Variants in CSTPP1 observed in about 807,000 individuals in gnomAD.
The protein encoded by CSTPP1 is UPF0705 protein C11orf49.
chr11:47,155,088 A>T, the CSTPP1 span: 6 of 704,414 alleles, frequency 8.5e-6, no homozygotes, highest in Middle Eastern at 2.8e-4. Context: ...TCTCCCCCGC[A>T]CTTTTCCCTT....
chr11:47,163,295 C>T, the CSTPP1 span, among the ~76,000 whole-genome samples: 1 of 152,034 alleles, frequency 6.6e-6, no homozygotes, highest in Non-Finnish European at 1.5e-5. Context: ...GGAAAGCCTA[C>T]TGACGATGCA....
the CSTPP1 span, among the ~76,000 whole-genome samples, chr11:47,089,530 TAGAC>T: frequency 6.6e-6 from 1 of 152,220 alleles, no homozygotes; most frequent in African/African-American, 2.4e-5. Context: ...CATTAAACAT[TAGAC>T]AGATCCTCAG....
the CSTPP1 span, among the ~76,000 whole-genome samples, chr11:47,038,744 A>G: frequency 1.7e-5 from 2 of 120,892 alleles, 1 homozygote; most frequent in East Asian, 4.7e-4. Context: ...CACTTCCCAG[A>G]CGGGGTGGCT....
chr11:47,088,304 T>A, the CSTPP1 span, among the ~76,000 whole-genome samples: 3 of 152,230 alleles, frequency 2.0e-5, no homozygotes, highest in Admixed American at 2.0e-4. Flanking sequence ...GTTGTTATTC[T>A]ACTATTAATA....
At chr11:47,086,179 A>G in the CSTPP1 span, among the ~76,000 whole-genome samples, 1 of 136,468 alleles carries the variant, frequency 7.3e-6, no homozygotes, top group Non-Finnish European at 1.5e-5. Context: ...ACTTGAGGTC[A>G]GGAGTTTGAG....
the CSTPP1 span, among the ~76,000 whole-genome samples, chr11:47,116,496 G>T: frequency 6.6e-6 from 1 of 151,916 alleles, no homozygotes. Context: ...GAATCTGGGT[G>T]GTCATGTATT....
At chr11:47,084,365 AG>A in the CSTPP1 span, among the ~76,000 whole-genome samples, 1 of 151,914 alleles carries the variant, frequency 6.6e-6, no homozygotes, top group Admixed American at 6.6e-5. Context: ...TTATTTCCTT[AG>A]TGATGTCTTT....
At chr11:46,956,015 A>C in the CSTPP1 span, among the ~76,000 whole-genome samples, 1 of 147,396 alleles carries the variant, frequency 6.8e-6, no homozygotes, top group Admixed American at 6.7e-5. Flanking sequence ...AAAAAGAAAG[A>C]AATGGTAATG....
chr11:46,987,745 T>C, the CSTPP1 span: 1 of 159,246 alleles, frequency 6.3e-6, no homozygotes, highest in East Asian at 1.8e-4. Context: ...ATGATTTAAG[T>C]GTATTTCTAA....
the CSTPP1 span, among the ~76,000 whole-genome samples, chr11:46,983,718 T>C: frequency 7.2e-5 from 11 of 152,170 alleles, no homozygotes; most frequent in African/African-American, 2.4e-4. Flanking sequence ...TCATTGAAGT[T>C]TGATAAACTA....
At chr11:46,971,261 GTTAACTAAATATTCACATTTACCAATAA>G in the CSTPP1 span, among the ~76,000 whole-genome samples, 1 of 152,322 alleles carries the variant, frequency 6.6e-6, no homozygotes, top group South Asian at 2.1e-4. Flanking sequence ...AGAAAGGTAA[GTTAACTAAATATTCACATTTACCAATAA>G]ATAAACCACT....
the CSTPP1 span, among the ~76,000 whole-genome samples, chr11:47,042,574 T>C: frequency 1.3e-5 from 2 of 152,186 alleles, no homozygotes; most frequent in African/African-American, 4.8e-5. Flanking sequence ...TGTGCTATTA[T>C]AACTTTTTGG....
At chr11:47,138,320 A>G in the CSTPP1 span, among the ~76,000 whole-genome samples, 4 of 152,178 alleles carry the variant, frequency 2.6e-5, no homozygotes, top group African/African-American at 4.8e-5. Flanking sequence ...GAAACTGCCC[A>G]TGTGATCCAA....
the CSTPP1 span, among the ~76,000 whole-genome samples, chr11:47,037,571 A>T: frequency 2.6e-5 from 3 of 116,662 alleles, no homozygotes; most frequent in African/African-American, 7.7e-5. Context: ...ACTTGAGATT[A>T]GGGAGTGGTG....
chr11:47,051,198 G>A, the CSTPP1 span, among the ~76,000 whole-genome samples: 1 of 151,988 alleles, frequency 6.6e-6, no homozygotes, highest in Non-Finnish European at 1.5e-5. Flanking sequence ...TTTAATGTCT[G>A]CCTCTCCACA....
At chr11:47,116,836 C>T in the CSTPP1 span, among the ~76,000 whole-genome samples, 7 of 151,952 alleles carry the variant, frequency 4.6e-5, no homozygotes, top group Non-Finnish European at 7.4e-5. Context: ...CCTGCCACCA[C>T]GCCTGGCTAA....
At chr11:46,965,175 A>G in the CSTPP1 span, among the ~76,000 whole-genome samples, 202 of 151,546 alleles carry the variant, frequency 1.3e-3, no homozygotes, top group African/African-American at 4.7e-3. Context: ...ACATTAATTC[A>G]TTTAAAATAA....
At chr11:47,070,394 C>T in the CSTPP1 span, among the ~76,000 whole-genome samples, 1 of 152,236 alleles carries the variant, frequency 6.6e-6, no homozygotes, top group Non-Finnish European at 1.5e-5. Context: ...TACCGCCTGA[C>T]CCTAATTTAG....
the CSTPP1 span, among the ~76,000 whole-genome samples, chr11:47,002,927 C>G: frequency 6.6e-6 from 1 of 152,096 alleles, no homozygotes; most frequent in African/African-American, 2.4e-5. Context: ...CTGATAATTC[C>G]CTGAATACTT....
Sources: gnomAD v4.1 joint callset for allele counts (sites outside exome capture counted in the v4.1 genomes callset) on GRCh38, gnomAD v4.1.1 for gene constraint, MANE v1.5 for transcripts, NCBI Gene and HGNC (gene_info 2026-07-23, HGNC 2026-07-21) for gene names.